The following SH3KBP1 variants were observed in gnomAD, a reference collection of about 807,000 sequenced individuals.
SH3KBP1 encodes the protein SH3 domain containing kinase binding protein 1.
In SH3KBP1, 8 loss-of-function variants were observed where a neutral mutation model predicts 50.1. The observed-to-expected ratio is 0.16, with a 90% CI of 0.09 to 0.29. SH3KBP1 has a LOEUF of 0.29. SH3KBP1 is among the 10% of genes least tolerant of loss of function. SH3KBP1 has a pLI of 1.00. For missense variants in SH3KBP1, 377 were observed against 535.2 expected, an observed-to-expected ratio of 0.70 and a Z score of 2.92; for synonymous variants, 227 against 218.6, an observed-to-expected ratio of 1.04 and a Z score of -0.34.
chrX:19,592,220 T>A, intron 10 of SH3KBP1, 73 bp from the exon 11 acceptor site: 1 of 883,196 alleles, frequency 1.1e-6, no homozygotes. Context: ...AGCATTTAAA[T>A]CTTTATCAGG....
At chrX:19,543,141 G>C (rs1263535906) in intron 15 of SH3KBP1, among the ~76,000 whole-genome samples, 3 of 111,523 alleles carry the variant, frequency 2.7e-5, no homozygotes, top group African/African-American at 9.8e-5. Context: ...GGGGGCAGGA[G>C]TGGGCCAGGA....
At chrX:19,646,751 A>T (rs1161487477) in intron 6 of SH3KBP1, among the ~76,000 whole-genome samples, 8 of 112,834 alleles carry the variant, frequency 7.1e-5, no homozygotes, top group African/African-American at 2.6e-4. Context: ...GATAAGATAA[A>T]TCAAATCCTC....
intron 2 of SH3KBP1, among the ~76,000 whole-genome samples, chrX:19,815,791 C>T (rs1603261292): frequency 8.9e-6 from 1 of 111,856 alleles, no homozygotes; most frequent in African/African-American, 3.3e-5. Flanking sequence ...TCACACAGCA[C>T]GATGCCCCTG....
Position 19,818,573 on chromosome X carries a change from T to C in SH3KBP1, c.162+17552A>G, listed in dbSNP as rs142774232. 3.1e-3 allele frequency among the ~76,000 whole-genome samples: 352 copies of C among 111,970 alleles called. 1 individual carries two copies. The highest frequency in any genetic ancestry group is 5.2e-3 in the Non-Finnish European group (278 of 53,180). ...CTGCAGCATTTTTGTAGATGCTCTT[T>C]ATCAAGTTGGGGGAATTCCTCTCTA... On this transcript the variant is annotated intron_variant, in intron 2 of 17. Coordinates refer to ENST00000397821, the MANE Select transcript of SH3KBP1 (RefSeq NM_031892.3).
intron 2 of SH3KBP1, among the ~76,000 whole-genome samples, chrX:19,812,003 G>T (rs2067220398): frequency 8.9e-6 from 1 of 111,758 alleles, no homozygotes; most frequent in Non-Finnish European, 1.9e-5. Context: ...TCCCGCTCTG[G>T]GTCTCCATCT....
At chrX:19,805,783 G>C (rs1475460473) in intron 2 of SH3KBP1, among the ~76,000 whole-genome samples, 1 of 111,277 alleles carries the variant, frequency 9.0e-6, no homozygotes, top group Non-Finnish European at 1.9e-5. Context: ...GCTCCCTTGG[G>C]CAACTTACTT....
intron 2 of SH3KBP1, among the ~76,000 whole-genome samples, chrX:19,774,531 C>T (rs1358882559): frequency 9.2e-6 from 1 of 108,955 alleles, no homozygotes; most frequent in Non-Finnish European, 1.9e-5. Context: ...ATTAGCCAGG[C>T]GTGGTGGCAG....
At chrX:19,616,468 T>C (rs1365289927) in intron 8 of SH3KBP1, among the ~76,000 whole-genome samples, 2 of 112,242 alleles carry the variant, frequency 1.8e-5, no homozygotes, top group African/African-American at 6.5e-5. Context: ...CTCTTGGGGA[T>C]GCCAATATTA....
intron 3 of SH3KBP1, among the ~76,000 whole-genome samples, chrX:19,722,159 G>A (rs1018414757): frequency 2.7e-5 from 3 of 112,153 alleles, no homozygotes; most frequent in Non-Finnish European, 5.6e-5. Flanking sequence ...GGGCAACTTC[G>A]CAAGTCCTGA....
chrX:19,679,591 T>C (rs1438262347), intron 6 of SH3KBP1, among the ~76,000 whole-genome samples: 1 of 111,858 alleles, frequency 8.9e-6, no homozygotes, highest in Non-Finnish European at 1.9e-5. Flanking sequence ...GTTTAAATGG[T>C]ACATGTTTCT....
At chrX:19,645,912 T>C (rs2061978401) in intron 6 of SH3KBP1, among the ~76,000 whole-genome samples, 1 of 111,318 alleles carries the variant, frequency 9.0e-6, no homozygotes, top group South Asian at 3.8e-4. Context: ...GATACAGGAA[T>C]GGAGGCCCAG....
rs543177683 is a variant in SH3KBP1 at position 19,656,423 on chromosome X, C to T, written c.727-10948G>A. On this transcript the variant is annotated intron_variant, in intron 6 of 17. Coordinates refer to ENST00000397821, the MANE Select transcript of SH3KBP1 (RefSeq NM_031892.3). ...AGATGAAATTAAGGTTTGAGAGATA[C>T]TTAGGCTGCCTATCTAAAGGCAGTT... is the stretch of plus-strand genomic sequence containing the variant. Among the ~76,000 whole-genome samples the T allele has an allele frequency of 4.5e-5, 5 of 111,886 alleles. No homozygotes were observed. In the South Asian group the frequency reaches 1.9e-3, roughly 42 times the overall value.
intron 2 of SH3KBP1, among the ~76,000 whole-genome samples, chrX:19,803,360 C>A (rs922691763): frequency 1.8e-5 from 2 of 111,524 alleles, no homozygotes; most frequent in Non-Finnish European, 3.8e-5. Context: ...CAGGCACACA[C>A]CACCATGCCT....
At chrX:19,675,694 C>A (rs2062913770) in intron 6 of SH3KBP1, among the ~76,000 whole-genome samples, 1 of 111,921 alleles carries the variant, frequency 8.9e-6, no homozygotes, top group Non-Finnish European at 1.9e-5. Flanking sequence ...ACCCGGCCAA[C>A]CACTATACTC....
In SH3KBP1 at chrX:19,691,350, C is replaced by CTA. The variant is rs1208012762; in HGVS notation, c.520+4261_520+4262insTA. Among the ~76,000 whole-genome samples the CTA allele has an allele frequency of 3.5e-3, 331 of 93,566 alleles. 2 individuals carry two copies. Among genetic ancestry groups the CTA allele is most frequent in the African/African-American group, 0.013 (301 of 23,122 alleles). 81.3% of individuals were successfully genotyped at this position (93,566 alleles called of 115,157 possible). On this transcript the variant is annotated intron_variant, in intron 5 of 17. Transcript: ENST00000397821. ...GCTCTCTCTCTCTCTCTCTCTCTCTCTCTCTCTATATATATATATATCTTT... is the reference window on the plus strand; with the variant it reads ...GCTCTCTCTCTCTCTCTCTCTCTCTCTATCTCTCTATATATATATATATCTTT...
At chrX:19,572,320 T>A in intron 12 of SH3KBP1, among the ~76,000 whole-genome samples, 1 of 106,014 alleles carries the variant, frequency 9.4e-6, no homozygotes. Flanking sequence ...ATATGTTATA[T>A]AGTACATATA....
intron 13 of SH3KBP1, among the ~76,000 whole-genome samples, chrX:19,567,002 C>T (rs774794332): frequency 3.1e-4 from 34 of 110,671 alleles, no homozygotes; most frequent in South Asian, 3.8e-4. Context: ...ACAAGGCCTG[C>T]CAACCATCGC....
chrX:19,543,983 T>C (rs993290505), intron 15 of SH3KBP1, among the ~76,000 whole-genome samples: 2 of 110,356 alleles, frequency 1.8e-5, no homozygotes, highest in African/African-American at 6.6e-5. Flanking sequence ...AGGCTGGTGG[T>C]GAAGCTTGGC....
chrX:19,592,551 C>G (rs2066781858), intron 10 of SH3KBP1, among the ~76,000 whole-genome samples: 1 of 111,375 alleles, frequency 9.0e-6, no homozygotes, highest in Admixed American at 9.6e-5. Context: ...TCATAGGAAT[C>G]TGGATCCCAT....
Sources: gnomAD v4.1 joint callset for allele counts (sites outside exome capture counted in the v4.1 genomes callset) on GRCh38, gnomAD v4.1.1 for gene constraint, MANE v1.5 for transcripts, NCBI Gene and HGNC (gene_info 2026-07-23, HGNC 2026-07-21) for gene names.